The following TRIP11 variants were observed in gnomAD, a reference collection of about 807,000 sequenced individuals.
TRIP11 encodes thyroid hormone receptor interactor 11.
TRIP11 carries 148 observed loss-of-function variants against 223.1 expected under a neutral mutation model. That is an observed-to-expected ratio of 0.66 (90% confidence interval 0.58 to 0.76). TRIP11 has a LOEUF of 0.76. Among genes scored for constraint, TRIP11 ranks in the 30% least tolerant of loss-of-function variants. The probability of loss-of-function intolerance (pLI) is 0.00; values close to 1 mark genes in which losing one functional copy is unlikely to be tolerated. For missense variants in TRIP11, 2,043 were observed against 2,222.0 expected (o/e 0.92, Z 1.62); for synonymous variants, 762 against 772.6 (o/e 0.99, Z 0.23).
rs774676136 is a variant in TRIP11, at chr14:92,004,039, A to C, written c.3937T>G (p.Ser1313Ala). ...AATGATGCAGAAGACAGCTGGGGTG[A>C]AATAATATCAAGTTTTCCTAAAAGA... ...DLLLGKLDII[S>A]PQLSSASLLT... The change falls in exon 11 of 21, where the codon TCA (serine) becomes GCA (alanine). Residue 1313 changes from serine (S) to alanine (A), a missense_variant. Ser to Ala is a moderately conservative substitution (Grantham distance 99). Coordinates refer to ENST00000267622, the MANE Select transcript of TRIP11 (RefSeq NM_004239.4). 9 of 1,614,070 alleles carry C rather than the reference A, an allele frequency of 5.6e-6. No individual in the cohort carries two copies. The highest frequency in any genetic ancestry group is 5.9e-6 in the Non-Finnish European group (7 of 1,180,038).
Position 92,006,285 on chromosome 14 carries a change from A to C in TRIP11, c.1691T>G (p.Leu564Arg). 6.2e-7 allele frequency: 1 copy of C among 1,610,578 alleles called. No individual in the cohort carries two copies. The highest frequency in any genetic ancestry group is 1.1e-5 in the South Asian group (1 of 90,088). ...ATTTAGGGCCACTTCACTTTGAATT[A>C]GCTTTTCTTTCTGTACATCTAACTC... ...TKELDVQKEK[L>R]IQSEVALNDL... Residue 564 changes from leucine (L) to arginine (R), a missense_variant, in exon 11 of 21, where the codon CTA becomes CGA. Coordinates refer to ENST00000267622, the MANE Select transcript of TRIP11 (RefSeq NM_004239.4).
Position 92,007,643 on chromosome 14 carries a change from T to C in TRIP11, c.1524A>G (p.Thr508=), listed in dbSNP as rs1167281147. The part of the protein sequence containing the change: ...EELDRQNQEA[T]KHMILIKDQL... ...ACTGTATTTAATACAGTGTTACCTTTGTAGCTTCTTGATTCTGTCTGTCCA... is the reference window on the plus strand; with the variant it reads ...ACTGTATTTAATACAGTGTTACCTTCGTAGCTTCTTGATTCTGTCTGTCCA... Residue 508 remains threonine (T), a synonymous_variant, in exon 10 of 21, where the codon ACA becomes ACG. Coordinates refer to ENST00000267622, the MANE Select transcript of TRIP11 (RefSeq NM_004239.4). 1 of 1,613,346 alleles carries C rather than the reference T, an allele frequency of 6.2e-7. No individual in the cohort carries two copies. The highest frequency in any genetic ancestry group is 8.5e-7 in the Non-Finnish European group (1 of 1,179,888).
intron 16 of TRIP11, among the ~76,000 whole-genome samples, chr14:91,984,112 C>T (rs893274365): frequency 6.6e-6 from 1 of 151,782 alleles, no homozygotes; most frequent in East Asian, 1.9e-4. Context: ...AAAAAAAAAT[C>T]AGTTATGCTG....
chr14:91,973,316 A>G (rs1241776126), intron 19 of TRIP11, among the ~76,000 whole-genome samples: 1 of 152,048 alleles, frequency 6.6e-6, no homozygotes, highest in Non-Finnish European at 1.5e-5. Context: ...GAGCCACCAC[A>G]CCTGGCCTAA....
chr14:91,972,532 A>G (rs1240987199), intron 20 of TRIP11, among the ~76,000 whole-genome samples, 185 bp downstream of exon 20: 1 of 152,236 alleles, frequency 6.6e-6, no homozygotes, highest in African/African-American at 2.4e-5. Flanking sequence ...TCAGATTGCT[A>G]CAAGAATATA....
At position 91,969,841 on chromosome 14, in the gene TRIP11, A is replaced by T; in HGVS notation, c.5772T>A (p.Ala1924=). 6.2e-7 allele frequency: 1 copy of T among 1,614,190 alleles called. No homozygotes were observed. Among genetic ancestry groups the T allele is most frequent in the Middle Eastern group, 1.6e-4 (1 of 6,062 alleles). Residue 1924 remains alanine (A), a synonymous_variant, in exon 21 of 21, where the codon GCT becomes GCA. Coordinates refer to ENST00000267622, the MANE Select transcript of TRIP11 (RefSeq NM_004239.4). Reference sequence around the variant, plus strand: ...TAAGAGGTACAGCTGCCGAGCGAGGAGCCAAAAACGGATTTACATCTGTTC... The same window carrying T: ...TAAGAGGTACAGCTGCCGAGCGAGGTGCCAAAAACGGATTTACATCTGTTC... ...GRRTDVNPFL[A]PRSAAVPLIN...
intron 16 of TRIP11, among the ~76,000 whole-genome samples, chr14:91,981,572 T>C (rs760739949): frequency 4.7e-4 from 72 of 151,946 alleles, no homozygotes; most frequent in South Asian, 1.7e-3. Flanking sequence ...TTTGTATTTT[T>C]AGTAGAGACA....
intron 3 of TRIP11, 43 bp downstream of exon 3, chr14:92,025,267 C>T (rs747898080): frequency 4.3e-6 from 6 of 1,379,374 alleles, no homozygotes; most frequent in Non-Finnish European, 5.2e-6. Context: ...TACCTAAATA[C>T]ATTACAGTGA....
intron 4 of TRIP11, among the ~76,000 whole-genome samples, chr14:92,021,085 A>G (rs1304940041): frequency 6.7e-6 from 1 of 149,624 alleles, no homozygotes; most frequent in African/African-American, 2.5e-5. Context: ...AAAAAAAAAA[A>G]AGAAAGAAAG....
chr14:92,025,741 G>A (rs543702729), intron 2 of TRIP11, among the ~76,000 whole-genome samples: 6 of 152,174 alleles, frequency 3.9e-5, no homozygotes, highest in South Asian at 4.1e-4. Flanking sequence ...TTAGACGGGC[G>A]TGGTGGCGTG....
At chr14:92,031,948 T>A (rs2057271135) in intron 2 of TRIP11, among the ~76,000 whole-genome samples, 2 of 151,958 alleles carry the variant, frequency 1.3e-5, no homozygotes, top group African/African-American at 4.8e-5. Flanking sequence ...GCCTCACAAG[T>A]AGCTGGGACT....
chr14:92,001,712 A>G (rs1015931759), intron 11 of TRIP11, among the ~76,000 whole-genome samples: 2 of 152,186 alleles, frequency 1.3e-5, no homozygotes, highest in Non-Finnish European at 2.9e-5. Context: ...AAACTCCAAA[A>G]TATCTATAAA....
chr14:92,005,437 T>A lies in TRIP11; in HGVS notation c.2539A>T (p.Thr847Ser). The change falls in exon 11 of 21, where the codon ACC becomes TCC. Residue 847 changes from threonine to serine, a missense_variant. By Grantham distance (58) the Thr-to-Ser change is moderately conservative. Coordinates refer to ENST00000267622, the MANE Select transcript of TRIP11 (RefSeq NM_004239.4). ...AGACTTCGGTCTTTTTCCTCTATGG[T>A]CTGTCTTAAAATTTCATTTTTTCTT... ...ALRKNEILRQ[T>S]IEEKDRSLGS... The A allele has an allele frequency of 6.2e-7, 1 of 1,614,106 alleles. No individual in the cohort carries two copies. Among genetic ancestry groups the A allele is most frequent in the Non-Finnish European group, 8.5e-7 (1 of 1,180,042 alleles).
Position 92,039,957 on chromosome 14 carries a change from C to A in TRIP11, c.-272G>T, listed in dbSNP as rs886050913. ...ACGAATTCCCACCGTCCAGATTGGGCCACTTCTTTCTCAGCTCTAATGACT... is the reference window on the plus strand; with the variant it reads ...ACGAATTCCCACCGTCCAGATTGGGACACTTCTTTCTCAGCTCTAATGACT... On this transcript the variant is annotated 5_prime_UTR_variant, in exon 1 of 21. Transcript: ENST00000267622. The A allele has an allele frequency of 1.8e-6, 1 of 562,316 alleles. No individual in the cohort carries two copies. Among genetic ancestry groups the A allele is most frequent in the Non-Finnish European group, 3.1e-6 (1 of 319,910 alleles). 34.8% of individuals were successfully genotyped at this position (562,316 alleles called of 1,614,324 possible). A position where few individuals can be genotyped will look rare whatever the true frequency, so the allele number is the denominator to read the frequency against.
chr14:91,995,262 C>G (rs74073652), intron 14 of TRIP11, 90 bp downstream of exon 14: 3 of 1,507,324 alleles, frequency 2.0e-6, no homozygotes, highest in Non-Finnish European at 2.7e-6. Flanking sequence ...CAGAGATTTC[C>G]CCGTGCCTCA....
chr14:92,029,095 A>G (rs2057226660), intron 2 of TRIP11, among the ~76,000 whole-genome samples: 1 of 152,046 alleles, frequency 6.6e-6, no homozygotes, highest in African/African-American at 2.4e-5. Flanking sequence ...ATCAACTTGT[A>G]TTTTCTGTAT....
intron 3 of TRIP11, 112 bp from the exon 4 acceptor site, chr14:92,021,943 T>C: frequency 3.4e-6 from 4 of 1,183,802 alleles, no homozygotes; most frequent in Non-Finnish European, 4.8e-6. Context: ...GATTATCCAA[T>C]GATGGTCCTC....
rs905040222 is a variant in TRIP11 at position 91,969,580 on chromosome 14, C to A, written c.*93G>T. The A allele has an allele frequency of 2.4e-6, 3 of 1,264,918 alleles. No individual in the cohort carries two copies. The African/African-American group carries it at 4.4e-5, about 19-fold the overall frequency. The allele number at this position is 1,264,918 out of a possible 1,614,324, so 78.4% of individuals were successfully genotyped here. ...AGCATAATTGCGAACAAATACATGA[C>A]TTTCTCCCCAAAGGCCACTTTGTGA... is the stretch of plus-strand genomic sequence containing the variant. On this transcript the variant is annotated 3_prime_UTR_variant, in exon 21 of 21. Transcript: ENST00000267622.
intron 4 of TRIP11, among the ~76,000 whole-genome samples, chr14:92,018,970 A>C (rs946162165): frequency 9.1e-4 from 138 of 151,022 alleles, no homozygotes; most frequent in African/African-American, 2.9e-3. Flanking sequence ...CAAAAAAAAA[A>C]AAAAAAAACA....
Sources: allele counts gnomAD v4.1 joint callset (sites outside exome capture counted in the v4.1 genomes callset), GRCh38; gene constraint gnomAD v4.1.1; transcripts MANE v1.5; gene names NCBI Gene and HGNC (gene_info 2026-07-23, HGNC 2026-07-21).